The following ZNF514 variants were observed in gnomAD, a reference collection of about 807,000 sequenced individuals.
ZNF514 encodes the protein zinc finger protein 514.
A neutral mutation model predicts 9.7 loss-of-function variants in ZNF514; 12 were observed. The ratio of observed to expected loss-of-function variants is 1.24; its 90% CI spans 0.79 to 2.01. The LOEUF (loss-of-function observed/expected upper bound fraction) is 2.01. ZNF514 is among the 30% of genes most tolerant of loss of function. The pLI is 0.00. For missense variants in ZNF514, 467 were observed against 465.5 expected, an observed-to-expected ratio of 1.00 and a Z score of -0.03; for synonymous variants, 158 against 163.7, an observed-to-expected ratio of 0.97 and a Z score of 0.27.
At chr2:95,135,518 C>G in the ZNF514 span, among the ~76,000 whole-genome samples, 2 of 151,294 alleles carry the variant, frequency 1.3e-5, no homozygotes, top group Non-Finnish European at 2.9e-5. Flanking sequence ...ACCCTCTGGG[C>G]TCAAGCAATC....
At chr2:95,139,822 T>A in the ZNF514 span, among the ~76,000 whole-genome samples, 7 of 152,148 alleles carry the variant, frequency 4.6e-5, no homozygotes, top group Non-Finnish European at 1.0e-4. Context: ...AAATCTCATG[T>A]TGAAATGTAA....
chr2:95,131,004 A>G, the ZNF514 span, among the ~76,000 whole-genome samples: 1 of 152,218 alleles, frequency 6.6e-6, no homozygotes, highest in East Asian at 1.9e-4. Flanking sequence ...TTGGGGAACT[A>G]ATAAATGTCC....
chr2:95,127,766 G>A, the ZNF514 span, among the ~76,000 whole-genome samples: 13 of 152,096 alleles, frequency 8.5e-5, no homozygotes, highest in Non-Finnish European at 1.3e-4. Context: ...CTGCCACCAC[G>A]CCCGGCTAAT....
intron 1 of ZNF514, among the ~76,000 whole-genome samples, chr2:95,158,363 T>G (rs577720566): frequency 6.6e-5 from 10 of 152,342 alleles, no homozygotes; most frequent in Non-Finnish European, 1.0e-4. Flanking sequence ...GCATGTGCAC[T>G]GAAGGATGAA....
chr2:95,125,127 C>T, the ZNF514 span, among the ~76,000 whole-genome samples: 1 of 151,996 alleles, frequency 6.6e-6, no homozygotes, highest in Non-Finnish European at 1.5e-5. Context: ...GATCCGCCCA[C>T]CTCAGACTCC....
the ZNF514 span, among the ~76,000 whole-genome samples, chr2:95,126,640 G>A: frequency 6.6e-6 from 1 of 152,020 alleles, no homozygotes; most frequent in Admixed American, 6.5e-5. Context: ...TGTGCTTCTA[G>A]AATTGCCATC....
rs1673771221 is a variant in ZNF514, at chr2:95,159,193, C to A, written c.-96+47G>T. 2.1e-5 allele frequency: 6 copies of A among 290,282 alleles called. 2 individuals carry two copies. The South Asian group carries it at 2.7e-4, about 13-fold the overall frequency. 18.0% of individuals were successfully genotyped at this position (290,282 alleles called of 1,614,324 possible). A position where few individuals can be genotyped will look rare whatever the true frequency, so the allele number is the denominator to read the frequency against. ...ACCCCGGTGCGCCCAGCGCGGCGCA[C>A]TGCTGCCCGGGGTCGTGCTCTTCCC... On this transcript the variant is annotated intron_variant, in intron 1 of 4. Coordinates refer to ENST00000295208, the MANE Select transcript of ZNF514 (RefSeq NM_032788.3).
intron 1 of ZNF514, chr2:95,158,755 G>A (rs1442275218): frequency 8.7e-7 from 1 of 1,147,656 alleles, no homozygotes; most frequent in Non-Finnish European, 1.1e-6. Flanking sequence ...CCTCCGCCAC[G>A]GTCATCTAGA....
intron 2 of ZNF514, among the ~76,000 whole-genome samples, chr2:95,156,066 C>T (rs1482154616): frequency 6.6e-6 from 1 of 152,252 alleles, no homozygotes; most frequent in Non-Finnish European, 1.5e-5. Context: ...ACTGAACCCA[C>T]CTAAGTGCTC....
At chr2:95,128,483 G>A in the ZNF514 span, among the ~76,000 whole-genome samples, 1 of 152,092 alleles carries the variant, frequency 6.6e-6, no homozygotes, top group Admixed American at 6.6e-5. Context: ...TTGAACCCAG[G>A]AGGCGGAGGT....
In ZNF514 at chr2:95,147,120, C is replaced by T. The variant is rs547206310; in HGVS notation, c.*2162G>A. Among the ~76,000 whole-genome samples, 26 of 152,312 alleles carry T rather than the reference C, an allele frequency of 1.7e-4. No individual in the cohort carries two copies. The highest frequency in any genetic ancestry group is 4.3e-4 in the African/African-American group (18 of 41,552). The stretch of plus-strand genomic sequence containing the variant: ...TATTAGGCAAGTATCCTTTGGTCTA[C>T]GCCAGCTCCTGGTCTAGGCTTCTCC... On this transcript the variant is annotated 3_prime_UTR_variant, in exon 5 of 5. Coordinates refer to ENST00000295208, the MANE Select transcript of ZNF514 (RefSeq NM_032788.3).
At chr2:95,157,841 T>C (rs1395036130) in intron 1 of ZNF514, among the ~76,000 whole-genome samples, 1 of 152,184 alleles carries the variant, frequency 6.6e-6, no homozygotes, top group Non-Finnish European at 1.5e-5. Flanking sequence ...GGCAAGGCCA[T>C]GCAGGATTAT....
Position 95,157,399 on chromosome 2 carries a change from G to C in ZNF514, c.-55C>G. 7.8e-7 allele frequency: 1 copy of C among 1,289,672 alleles called. No homozygotes were observed. The highest frequency in any genetic ancestry group is 1.0e-6 in the Non-Finnish European group (1 of 988,774). 79.9% of individuals were successfully genotyped at this position (1,289,672 alleles called of 1,614,324 possible). A position where few individuals can be genotyped will look rare whatever the true frequency, so the allele number is the denominator to read the frequency against. ...AATTGGTTGTTCCCTCTTCTCCTGG[G>C]AATCTCTCTGGAGGAAGAGCAGGAT... On this transcript the variant is annotated 5_prime_UTR_variant, in exon 2 of 5. Coordinates refer to ENST00000295208, the MANE Select transcript of ZNF514 (RefSeq NM_032788.3).
chr2:95,143,574 G>A (rs1381123219), downstream of ZNF514, among the ~76,000 whole-genome samples: 2 of 152,138 alleles, frequency 1.3e-5, no homozygotes, highest in African/African-American at 4.8e-5. Context: ...TGCCAAGATC[G>A]TGCCACTGCA....
intron 4 of ZNF514, among the ~76,000 whole-genome samples, chr2:95,151,480 A>G (rs989523350): frequency 6.6e-6 from 1 of 152,230 alleles, no homozygotes; most frequent in African/African-American, 2.4e-5. Context: ...CCACTCCAGA[A>G]AGGTGTGCAG....
At chr2:95,124,893 T>C in the ZNF514 span, among the ~76,000 whole-genome samples, 1 of 152,026 alleles carries the variant, frequency 6.6e-6, no homozygotes, top group Non-Finnish European at 1.5e-5. Context: ...TTTATTTTTA[T>C]TTTTTTGAGA....
At position 95,158,792 on chromosome 2, in the gene ZNF514, G is replaced by T. The variant is rs926649882; in HGVS notation, c.-96+448C>A. The T allele has an allele frequency of 8.9e-6, 11 of 1,242,888 alleles. No individual in the cohort carries two copies. In the African/African-American group the frequency reaches 1.7e-4, roughly 19 times the overall value. The allele number at this position is 1,242,888 out of a possible 1,614,324, so 77.0% of individuals were successfully genotyped here. A position where few individuals can be genotyped will look rare whatever the true frequency, so the allele number is the denominator to read the frequency against. On this transcript the variant is annotated intron_variant, in intron 1 of 4. Coordinates refer to ENST00000295208, the MANE Select transcript of ZNF514 (RefSeq NM_032788.3). ...ACCCCTGCCAGACCCAGGAGACTGCGGCTTCAGCCTTCTGGGTCTGGAAGG... is the reference window on the plus strand; with the variant it reads ...ACCCCTGCCAGACCCAGGAGACTGCTGCTTCAGCCTTCTGGGTCTGGAAGG...
chr2:95,146,942 T>C lies in ZNF514; in HGVS notation c.*2340A>G, dbSNP rs1297939498. The stretch of plus-strand genomic sequence containing the variant: ...AGTACTTCCAGATCCAGATGCCTCC[T>C]GTGCATCCTACCTGCCCTGGCCAAC... On this transcript the variant is annotated 3_prime_UTR_variant, in exon 5 of 5. Transcript: ENST00000295208. 6.6e-6 allele frequency among the ~76,000 whole-genome samples: 1 copy of C among 152,180 alleles called. No homozygotes were observed. Among genetic ancestry groups the C allele is most frequent in the Non-Finnish European group, 1.5e-5 (1 of 68,034 alleles).
the ZNF514 span, among the ~76,000 whole-genome samples, chr2:95,128,037 G>A: frequency 1.3e-5 from 2 of 152,302 alleles, no homozygotes; most frequent in East Asian, 3.9e-4. Flanking sequence ...ACTTGAGTCT[G>A]GGAGTTCAAG....
Sources: gnomAD v4.1 joint callset for allele counts (sites outside exome capture counted in the v4.1 genomes callset) on GRCh38, gnomAD v4.1.1 for gene constraint, MANE v1.5 for transcripts, NCBI Gene and HGNC (gene_info 2026-07-23, HGNC 2026-07-21) for gene names.